MAML3: variants seen among roughly 807,000 people sequenced by gnomAD.
The protein encoded by MAML3 is mastermind like transcriptional coactivator 3.
In MAML3, 27 loss-of-function variants were observed where a neutral mutation model predicts 101.9. The ratio of observed to expected loss-of-function variants is 0.27; its 90% CI spans 0.20 to 0.37. The LOEUF (loss-of-function observed/expected upper bound fraction) is 0.37, where lower values mean the gene tolerates loss of function less well. Ranked by LOEUF, MAML3 falls within the 10% of genes least tolerant of loss-of-function variation. The pLI, the probability that MAML3 is intolerant of heterozygous loss-of-function variation, is 1.00. For synonymous variants in MAML3, 501 were observed against 555.9 expected, an observed-to-expected ratio of 0.90 and a Z score of 1.39; for missense variants, 1,316 against 1,444.9, an observed-to-expected ratio of 0.91 and a Z score of 1.45.
rs564838410 is a variant in MAML3 at position 139,775,787 on chromosome 4, A to C, written c.2080-45120T>G. 3.9e-5 allele frequency among the ~76,000 whole-genome samples: 6 copies of C among 152,282 alleles called. 1 individual carries two copies. In the South Asian group the frequency reaches 1.2e-3, roughly 32 times the overall value. Reference sequence around the variant, plus strand: ...TGACAGGGTGAAAAGCACGGTGGACATCCTTTGCCATCCTATTTTTCTTTC... The same window carrying C: ...TGACAGGGTGAAAAGCACGGTGGACCTCCTTTGCCATCCTATTTTTCTTTC... On this transcript the variant is annotated intron_variant, in intron 2 of 4. Coordinates refer to ENST00000509479, the MANE Select transcript of MAML3 (RefSeq NM_018717.5).
chr4:139,979,703 A>C (rs1054897942), intron 1 of MAML3, among the ~76,000 whole-genome samples: 6 of 152,206 alleles, frequency 3.9e-5, no homozygotes, highest in Non-Finnish European at 7.3e-5. Context: ...GTGAGGACAC[A>C]GTGTTCCTCC....
chr4:140,067,467 T>A (rs1464235215), intron 1 of MAML3, among the ~76,000 whole-genome samples: 1 of 152,146 alleles, frequency 6.6e-6, no homozygotes, highest in East Asian at 1.9e-4. Context: ...ACAATGTCTA[T>A]ATGTAGTTAA....
rs3733386 is a variant in MAML3, at chr4:140,150,678, C to A, written c.468+2182G>T. On this transcript the variant is annotated intron_variant, in intron 1 of 4. Transcript: ENST00000509479. ...GAAAAGAGGACGCGGGGTGGGCAGGCATGAAACCTTCAGTGCCTCTTAAAT... is the reference window on the plus strand; with the variant it reads ...GAAAAGAGGACGCGGGGTGGGCAGGAATGAAACCTTCAGTGCCTCTTAAAT... Among the ~76,000 whole-genome samples, 22 of 151,960 alleles carry A rather than the reference C, an allele frequency of 1.4e-4. No individual in the cohort carries two copies. In the East Asian group the frequency reaches 4.3e-3, roughly 30 times the overall value.
chr4:139,756,422 G>T (rs1729651726), intron 2 of MAML3, among the ~76,000 whole-genome samples: 1 of 152,142 alleles, frequency 6.6e-6, no homozygotes. Flanking sequence ...CATGGCTGAA[G>T]ACAGAAAGTT....
chr4:139,929,719 A>G (rs1334098962), intron 1 of MAML3, among the ~76,000 whole-genome samples: 1 of 152,242 alleles, frequency 6.6e-6, no homozygotes, highest in Non-Finnish European at 1.5e-5. Flanking sequence ...GTCGTGCCAC[A>G]GTCTCTGTTT....
chr4:139,903,437 C>A (rs117020211), intron 1 of MAML3, among the ~76,000 whole-genome samples: 1 of 152,208 alleles, frequency 6.6e-6, no homozygotes. Flanking sequence ...AGAATCTTTA[C>A]GGCTAATAAC....
intron 1 of MAML3, among the ~76,000 whole-genome samples, chr4:139,938,980 C>T (rs1446732174): frequency 5.9e-5 from 9 of 152,198 alleles, no homozygotes; most frequent in Admixed American, 5.9e-4. Context: ...GCTCAGTGAC[C>T]AGTCATCCTT....
rs1302471005 is a variant in MAML3 at position 139,757,545 on chromosome 4, G to A, written c.2080-26878C>T. The stretch of plus-strand genomic sequence containing the variant: ...TGAGCCTGTAGTCCCAGCTACTGGG[G>A]AAGCTGAGACAGGAGAACTGCTTGA... On this transcript the variant is annotated intron_variant, in intron 2 of 4. Transcript: ENST00000509479. Among the ~76,000 whole-genome samples, 3 of 150,994 alleles carry A rather than the reference G, an allele frequency of 2.0e-5. No individual in the cohort carries two copies. In the South Asian group the frequency reaches 6.3e-4, roughly 31 times the overall value.
chr4:140,044,368 G>C (rs371043443), intron 1 of MAML3, among the ~76,000 whole-genome samples: 6 of 152,302 alleles, frequency 3.9e-5, no homozygotes, highest in African/African-American at 1.4e-4. Context: ...AATGAAAATT[G>C]TTTTGTATTA....
intron 2 of MAML3, among the ~76,000 whole-genome samples, chr4:139,774,954 TG>T (rs1294860645): frequency 6.6e-6 from 1 of 152,122 alleles, no homozygotes; most frequent in Non-Finnish European, 1.5e-5. Flanking sequence ...TAGCTACACC[TG>T]GGATGGGGCC....
intron 1 of MAML3, among the ~76,000 whole-genome samples, chr4:139,947,627 A>C (rs1375423780): frequency 6.6e-6 from 1 of 152,196 alleles, no homozygotes; most frequent in Non-Finnish European, 1.5e-5. Context: ...TATGGGGCTT[A>C]ATTAACCTTT....
At chr4:140,036,642 T>C (rs1374932117) in intron 1 of MAML3, among the ~76,000 whole-genome samples, 2 of 152,168 alleles carry the variant, frequency 1.3e-5, no homozygotes, top group Non-Finnish European at 2.9e-5. Flanking sequence ...AGCTGCCTAT[T>C]TTCTACCTCA....
chr4:140,070,129 A>C (rs1727621985), intron 1 of MAML3, among the ~76,000 whole-genome samples: 1 of 151,836 alleles, frequency 6.6e-6, no homozygotes, highest in Non-Finnish European at 1.5e-5. Flanking sequence ...TAAATAAATA[A>C]ATAAATAAAT....
At chr4:139,967,469 GACACACACAC>G (rs4057112) in intron 1 of MAML3, among the ~76,000 whole-genome samples, 6,910 of 141,506 alleles carry the variant, frequency 0.049, 426 homozygotes, top group African/African-American at 0.14. Flanking sequence ...CTTTTTAAGG[GACACACACAC>G]ACACACACAC....
At chr4:139,786,904 C>T (rs747024164) in intron 2 of MAML3, among the ~76,000 whole-genome samples, 1 of 152,254 alleles carries the variant, frequency 6.6e-6, no homozygotes, top group Non-Finnish European at 1.5e-5. Flanking sequence ...CTCCCCACCC[C>T]TGCTTATTCC....
At chr4:139,724,775 C>CT (rs34621312) in intron 4 of MAML3, among the ~76,000 whole-genome samples, 5,680 of 130,192 alleles carry the variant, frequency 0.044, 171 homozygotes, top group East Asian at 0.094. Context: ...CCTCAAGGGT[C>CT]TTTTTTTTTT....
intron 1 of MAML3, among the ~76,000 whole-genome samples, chr4:139,936,567 C>T (rs1733509570): frequency 6.6e-6 from 1 of 152,098 alleles, no homozygotes; most frequent in Non-Finnish European, 1.5e-5. Flanking sequence ...TGTGTGTGCA[C>T]ACACTTGTAG....
At chr4:140,029,530 T>C (rs941977525) in intron 1 of MAML3, among the ~76,000 whole-genome samples, 4 of 152,190 alleles carry the variant, frequency 2.6e-5, no homozygotes, top group African/African-American at 7.2e-5. Flanking sequence ...TCACCTTGTA[T>C]TGTAGCACAA....
At chr4:140,099,620 A>C (rs951796648) in intron 1 of MAML3, among the ~76,000 whole-genome samples, 2 of 152,190 alleles carry the variant, frequency 1.3e-5, no homozygotes, top group Non-Finnish European at 2.9e-5. Context: ...TCTAGCTAGG[A>C]GGTTTTTAAA....
Sources: gnomAD v4.1 joint callset for allele counts (sites outside exome capture counted in the v4.1 genomes callset) on GRCh38, gnomAD v4.1.1 for gene constraint, MANE v1.5 for transcripts, NCBI Gene and HGNC (gene_info 2026-07-23, HGNC 2026-07-21) for gene names.